Variants in RMDN2 observed in about 807,000 individuals in gnomAD.
RMDN2 encodes the protein regulator of microtubule dynamics 2, also known as regulator of microtubule dynamics protein 2.
A neutral mutation model predicts 52.8 loss-of-function variants in RMDN2; 61 were observed. The observed-to-expected ratio is 1.16, with a 90% CI of 0.94 to 1.43. RMDN2 has a LOEUF of 1.43. Ranked by LOEUF, RMDN2 falls within the 40% of genes most tolerant of loss-of-function variation. The pLI is 0.00. For synonymous variants in RMDN2, 180 were observed against 153.1 expected (o/e 1.18, Z -1.30); for missense variants, 592 against 475.3 (o/e 1.25, Z -2.28).
chr2:37,971,780 G>T (rs1671843227), intron 2 of RMDN2, among the ~76,000 whole-genome samples: 1 of 152,022 alleles, frequency 6.6e-6, no homozygotes, highest in African/African-American at 2.4e-5. Flanking sequence ...AATCTGGTGG[G>T]GTAAGTCTTC....
intron 2 of RMDN2, among the ~76,000 whole-genome samples, chr2:37,932,918 C>A (rs1260219325): frequency 1.3e-5 from 2 of 148,920 alleles, no homozygotes. Context: ...GGGGGGCTGA[C>A]CCCCCCACCT....
intron 2 of RMDN2, among the ~76,000 whole-genome samples, chr2:37,940,439 G>A (rs1256354829): frequency 6.6e-6 from 1 of 152,152 alleles, no homozygotes; most frequent in African/African-American, 2.4e-5. Context: ...GTCTTGCTAT[G>A]TTGGGGAAGT....
intron 10 of RMDN2, among the ~76,000 whole-genome samples, chr2:38,051,937 T>C (rs1184136718): frequency 6.6e-6 from 1 of 152,214 alleles, no homozygotes; most frequent in East Asian, 1.9e-4. Context: ...GACATGCAGG[T>C]TGATTTCATG....
intron 10 of RMDN2, among the ~76,000 whole-genome samples, chr2:38,048,121 T>A (rs953134271): frequency 6.6e-6 from 1 of 152,248 alleles, no homozygotes; most frequent in African/African-American, 2.4e-5. Flanking sequence ...TTGGCAAGTA[T>A]GTTTGTGTGA....
At chr2:37,935,207 A>G (rs1053191026) in intron 2 of RMDN2, among the ~76,000 whole-genome samples, 12 of 152,238 alleles carry the variant, frequency 7.9e-5, no homozygotes, top group African/African-American at 2.9e-4. Context: ...CAGGCATAGT[A>G]TATATTGCCT....
intron 2 of RMDN2, among the ~76,000 whole-genome samples, chr2:37,930,129 C>A (rs981466503): frequency 2.6e-5 from 4 of 152,252 alleles, no homozygotes; most frequent in African/African-American, 9.6e-5. Flanking sequence ...GTGGTAGCCA[C>A]TAGCCCCCTC....
chr2:38,060,897 C>A (rs1052017210), intron 10 of RMDN2, among the ~76,000 whole-genome samples: 1 of 152,138 alleles, frequency 6.6e-6, no homozygotes, highest in African/African-American at 2.4e-5. Flanking sequence ...AGCAACCCCA[C>A]TGGGATGAGG....
At chr2:37,967,591 T>C (rs1278019518) in intron 2 of RMDN2, among the ~76,000 whole-genome samples, 1 of 152,248 alleles carries the variant, frequency 6.6e-6, no homozygotes, top group Non-Finnish European at 1.5e-5. Flanking sequence ...ATCTACTTAT[T>C]ATGAAAGTGT....
intron 10 of RMDN2, among the ~76,000 whole-genome samples, chr2:38,033,445 T>G (rs1486845161): frequency 6.6e-6 from 1 of 152,212 alleles, no homozygotes; most frequent in Non-Finnish European, 1.5e-5. Flanking sequence ...CATGTGTCCT[T>G]CTACCTCTCT....
intron 2 of RMDN2, among the ~76,000 whole-genome samples, chr2:37,969,045 T>C (rs1671455026): frequency 6.6e-6 from 1 of 152,136 alleles, no homozygotes; most frequent in Non-Finnish European, 1.5e-5. Context: ...TGGGTTTTTT[T>C]TTTTTTTCAA....
chr2:37,952,197 A>G (rs763347521), intron 2 of RMDN2: 9 of 1,613,120 alleles, frequency 5.6e-6, no homozygotes, highest in Non-Finnish European at 7.6e-6. Flanking sequence ...AATTCCTAAA[A>G]TAAGGTCACC....
At chr2:37,977,522 G>C (rs918007174) in intron 4 of RMDN2, among the ~76,000 whole-genome samples, 1 of 149,644 alleles carries the variant, frequency 6.7e-6, no homozygotes, top group African/African-American at 2.5e-5. Flanking sequence ...CTCACTTCCC[G>C]GATGGGGCGG....
At chr2:37,999,101 T>G (rs1454606775) in intron 8 of RMDN2, among the ~76,000 whole-genome samples, 1 of 152,212 alleles carries the variant, frequency 6.6e-6, no homozygotes, top group Non-Finnish European at 1.5e-5. Flanking sequence ...TTCAGAACAC[T>G]GTAGAAAAGT....
At chr2:38,013,848 T>C (rs1242697443) in intron 10 of RMDN2, among the ~76,000 whole-genome samples, 3 of 152,224 alleles carry the variant, frequency 2.0e-5, no homozygotes, top group South Asian at 2.1e-4. Flanking sequence ...TTGAAACTTA[T>C]TTCTTGTAAA....
intron 10 of RMDN2, chr2:38,036,893 G>A (rs574463859): frequency 2.0e-5 from 3 of 152,304 alleles, no homozygotes; most frequent in African/African-American, 7.2e-5. Flanking sequence ...TGCTGGCTAC[G>A]GTACAAAGAT....
chr2:37,947,793 A>C (rs1053779997), intron 2 of RMDN2, among the ~76,000 whole-genome samples: 12 of 152,204 alleles, frequency 7.9e-5, no homozygotes, highest in African/African-American at 2.9e-4. Context: ...GAAAAACTTA[A>C]ATTTGTCAAT....
At chr2:37,943,233 T>C (rs2124933412) in intron 2 of RMDN2, among the ~76,000 whole-genome samples, 1 of 152,286 alleles carries the variant, frequency 6.6e-6, no homozygotes, top group Non-Finnish European at 1.5e-5. Flanking sequence ...TACAGAACTT[T>C]CTGGAACCAG....
At chr2:37,944,704 A>T (rs1367603292) in intron 2 of RMDN2, among the ~76,000 whole-genome samples, 2 of 152,168 alleles carry the variant, frequency 1.3e-5, no homozygotes, top group East Asian at 3.9e-4. Flanking sequence ...AAGAGAGGTA[A>T]ATATGTGGAC....
At chr2:38,037,372 A>G (rs1280981587) in intron 10 of RMDN2, among the ~76,000 whole-genome samples, 1 of 152,222 alleles carries the variant, frequency 6.6e-6, no homozygotes, top group East Asian at 1.9e-4. Context: ...GCCACACCAC[A>G]AAAGCTGCCC....
Sources: gnomAD v4.1 joint callset for allele counts (sites outside exome capture counted in the v4.1 genomes callset) on GRCh38, gnomAD v4.1.1 for gene constraint, MANE v1.5 for transcripts, NCBI Gene and HGNC (gene_info 2026-07-23, HGNC 2026-07-21) for gene names.